Variants in GRIP1 observed in about 807,000 individuals in gnomAD.
The protein encoded by GRIP1 is glutamate receptor-interacting protein 1.
GRIP1 carries 45 observed loss-of-function variants against 129.9 expected under a neutral mutation model. The ratio of observed to expected loss-of-function variants is 0.35; its 90% CI spans 0.27 to 0.44. The LOEUF (loss-of-function observed/expected upper bound fraction) is 0.44, where lower values mean the gene tolerates loss of function less well. Among genes scored for constraint, GRIP1 ranks in the 20% least tolerant of loss-of-function variants. The pLI is 1.00. For synonymous variants in GRIP1, 530 were observed against 520.8 expected, an observed-to-expected ratio of 1.02 and a Z score of -0.24; for missense variants, 1,196 against 1,396.8, an observed-to-expected ratio of 0.86 and a Z score of 2.29.
chr12:66,604,268 T>C (rs1045717380), intron 1 of GRIP1, among the ~76,000 whole-genome samples: 6 of 152,212 alleles, frequency 3.9e-5, no homozygotes, highest in African/African-American at 1.4e-4. Context: ...GTAATATCTT[T>C]AGCCAGGTTA....
intron 1 of GRIP1, among the ~76,000 whole-genome samples, chr12:67,021,058 A>G (rs1267030848): frequency 6.6e-6 from 1 of 152,104 alleles, no homozygotes; most frequent in African/African-American, 2.4e-5. Flanking sequence ...TGATTGTACC[A>G]CTGCACTCCA....
At chr12:66,440,067 T>C (rs2058429020) in intron 13 of GRIP1, among the ~76,000 whole-genome samples, 1 of 152,244 alleles carries the variant, frequency 6.6e-6, no homozygotes, top group Non-Finnish European at 1.5e-5. Context: ...TCGAAGCTGC[T>C]GATCTTTTCA....
chr12:66,782,144 C>T (rs756027314), intron 1 of GRIP1, among the ~76,000 whole-genome samples: 11 of 152,126 alleles, frequency 7.2e-5, no homozygotes, highest in Non-Finnish European at 1.5e-4. Flanking sequence ...ATGTTCACTT[C>T]TTAAAAATTC....
intron 1 of GRIP1, among the ~76,000 whole-genome samples, chr12:66,910,461 C>T (rs1425005681): frequency 1.3e-5 from 2 of 152,132 alleles, no homozygotes; most frequent in African/African-American, 2.4e-5. Flanking sequence ...GGTATGACCA[C>T]CAAATCTGTA....
chr12:66,506,853 C>T (rs933014279), intron 7 of GRIP1, among the ~76,000 whole-genome samples: 3 of 149,786 alleles, frequency 2.0e-5, no homozygotes, highest in Non-Finnish European at 3.0e-5. Flanking sequence ...AAGGTGGGAG[C>T]CAGAGTATTC....
At chr12:66,425,664 C>A (rs1028139050) in intron 14 of GRIP1, among the ~76,000 whole-genome samples, 1 of 152,142 alleles carries the variant, frequency 6.6e-6, no homozygotes, top group Non-Finnish European at 1.5e-5. Context: ...GAGTTCATGT[C>A]CTTTGTAGGG....
chr12:66,699,731 T>C (rs2035285547), intron 1 of GRIP1, among the ~76,000 whole-genome samples: 1 of 152,164 alleles, frequency 6.6e-6, no homozygotes, highest in Admixed American at 6.5e-5. Flanking sequence ...TTGTTACTAA[T>C]AAAGCTGATA....
chr12:66,995,752 GA>G (rs1244406867), intron 1 of GRIP1, among the ~76,000 whole-genome samples: 2 of 152,224 alleles, frequency 1.3e-5, no homozygotes, highest in East Asian at 1.9e-4. Context: ...AACTGCTTTG[GA>G]AAACAGTTTG....
At chr12:66,440,144 T>A (rs1361089174) in intron 13 of GRIP1, among the ~76,000 whole-genome samples, 1 of 152,172 alleles carries the variant, frequency 6.6e-6, no homozygotes, top group African/African-American at 2.4e-5. Context: ...TATTCTCACA[T>A]CCTTTTCTTT....
At chr12:66,493,463 T>C (rs563164621) in intron 7 of GRIP1, among the ~76,000 whole-genome samples, 2 of 152,318 alleles carry the variant, frequency 1.3e-5, no homozygotes, top group South Asian at 2.1e-4. Context: ...AGGTCTTCTA[T>C]AGACATCTGT....
intron 15 of GRIP1, among the ~76,000 whole-genome samples, chr12:66,416,484 G>A (rs545757393): frequency 4.3e-4 from 66 of 152,082 alleles, no homozygotes; most frequent in South Asian, 1.4e-3. Context: ...TTAAAAAGGT[G>A]AGCAAAATGG....
chr12:66,760,649 C>A (rs1348336216), intron 1 of GRIP1, among the ~76,000 whole-genome samples: 2 of 152,106 alleles, frequency 1.3e-5, no homozygotes, highest in East Asian at 1.9e-4. Context: ...CTGGGAGATA[C>A]AATTCAAGCT....
chr12:66,574,789 T>TC (rs2063083367), intron 2 of GRIP1, among the ~76,000 whole-genome samples: 1 of 141,202 alleles, frequency 7.1e-6, no homozygotes, highest in Admixed American at 7.3e-5. Context: ...CCACTTTTCT[T>TC]TTTTTTTTTT....
chr12:66,486,980 A>G (rs139573865), intron 7 of GRIP1, among the ~76,000 whole-genome samples: 209 of 152,158 alleles, frequency 1.4e-3, no homozygotes, highest in Middle Eastern at 6.8e-3. Flanking sequence ...TAATAGAAAC[A>G]GGGTTTTACC....
chr12:66,491,567 C>T (rs2060104281), intron 7 of GRIP1, among the ~76,000 whole-genome samples: 1 of 152,078 alleles, frequency 6.6e-6, no homozygotes, highest in African/African-American at 2.4e-5. Flanking sequence ...ACCACCATGG[C>T]ACACATTTAC....
At chr12:66,716,743 G>C (rs867188365) in intron 1 of GRIP1, among the ~76,000 whole-genome samples, 1 of 152,022 alleles carries the variant, frequency 6.6e-6, no homozygotes, top group Non-Finnish European at 1.5e-5. Context: ...TGTCACCACA[G>C]GTGGGAGGCA....
intron 7 of GRIP1, among the ~76,000 whole-genome samples, chr12:66,490,946 A>G (rs568269765): frequency 6.6e-6 from 1 of 152,314 alleles, no homozygotes; most frequent in Non-Finnish European, 1.5e-5. Context: ...CGATTATTAA[A>G]AAGTCAAGAA....
chr12:66,932,786 A>T (rs984259674), intron 1 of GRIP1, among the ~76,000 whole-genome samples: 1 of 152,028 alleles, frequency 6.6e-6, no homozygotes, highest in Non-Finnish European at 1.5e-5. Flanking sequence ...CTCCTGCCTC[A>T]GCCTCCCAAG....
At chr12:66,500,683 A>G (rs1025428532) in intron 7 of GRIP1, among the ~76,000 whole-genome samples, 1 of 152,158 alleles carries the variant, frequency 6.6e-6, no homozygotes, top group Non-Finnish European at 1.5e-5. Context: ...CAATCATTCA[A>G]TGTTCCATGT....
Sources: gnomAD v4.1 joint callset for allele counts (sites outside exome capture counted in the v4.1 genomes callset) on GRCh38, gnomAD v4.1.1 for gene constraint, MANE v1.5 for transcripts, NCBI Gene and HGNC (gene_info 2026-07-23, HGNC 2026-07-21) for gene names.